TMEM268: variants seen among roughly 807,000 people sequenced by gnomAD.
TMEM268 encodes the protein transmembrane protein 268, also known as transmembrane protein C9orf91.
TMEM268 carries 24 observed loss-of-function variants against 39.1 expected under a neutral mutation model. The ratio of observed to expected loss-of-function variants is 0.61; its 90% CI spans 0.44 to 0.86. The LOEUF is 0.86. Among genes scored for constraint, TMEM268 ranks in the 40% least tolerant of loss-of-function variants. The probability of loss-of-function intolerance (pLI) is 0.00; values close to 1 mark genes in which losing one functional copy is unlikely to be tolerated. For missense variants in TMEM268, 409 were observed against 428.6 expected (o/e 0.95, Z 0.40); for synonymous variants, 176 against 173.5 (o/e 1.01, Z -0.12).
chr9:114,616,373 GT>G lies in TMEM268; in HGVS notation c.-78-740del, dbSNP rs923623413. On this transcript the variant is annotated intron_variant, in intron 1 of 8. Transcript: ENST00000288502. ...TGTTTGTTTGTTTGTTTTTGTTTTT[GT>G]TTTTGTTTTGAGACAGGGTCTCTCT... 6.0e-4 allele frequency among the ~76,000 whole-genome samples: 82 copies of G among 137,328 alleles called. 1 individual carries two copies. Among genetic ancestry groups the G allele is most frequent in the Non-Finnish European group, 1.2e-3 (73 of 60,842 alleles). The allele number at this position is 137,328 out of a possible 152,430, so 90.1% of individuals were successfully genotyped here.
Position 114,633,820 on chromosome 9 carries a change from G to C in TMEM268, c.527G>C (p.Arg176Thr). The C allele has an allele frequency of 6.2e-7, 1 of 1,607,736 alleles. No individual in the cohort carries two copies. The highest frequency in any genetic ancestry group is 8.5e-7 in the Non-Finnish European group (1 of 1,177,156). Residue 176 changes from arginine (R) to threonine (T), a missense_variant, in exon 6 of 9, where the codon AGA (arginine) becomes ACA (threonine). By Grantham distance (71) the Arg-to-Thr change is moderately conservative. Coordinates refer to ENST00000288502, the MANE Select transcript of TMEM268 (RefSeq NM_153045.4). ...GCAGCTGCCAATGGAGCCCTCCTGA[G>C]ACACCGGGTGCTGCTGGGGGTGACA... is the stretch of plus-strand genomic sequence containing the variant. The part of the protein sequence containing the change: ...RLAAANGALL[R>T]HRVLLGVTDT...
At position 114,644,947 on chromosome 9, in the gene TMEM268, C is replaced by G. The variant is rs1248651509; in HGVS notation, c.*1634C>G. 6.6e-6 allele frequency: 1 copy of G among 152,086 alleles called. No homozygotes were observed. The highest frequency in any genetic ancestry group is 2.4e-5 in the African/African-American group (1 of 41,366). 9.4% of individuals were successfully genotyped at this position (152,086 alleles called of 1,614,324 possible). A position where few individuals can be genotyped will look rare whatever the true frequency, so the allele number is the denominator to read the frequency against. ...AAGTAGCTGGGACTACAGGTGTGCA[C>G]CACTACTCCTGGATATTTTTTTGTG... On this transcript the variant is annotated 3_prime_UTR_variant, in exon 9 of 9. Coordinates refer to ENST00000288502, the MANE Select transcript of TMEM268 (RefSeq NM_153045.4).
upstream of TMEM268, among the ~76,000 whole-genome samples, chr9:114,606,260 G>A (rs1845364183): frequency 6.6e-6 from 1 of 152,118 alleles, no homozygotes; most frequent in African/African-American, 2.4e-5. Context: ...TGCCCCGGGG[G>A]GATTGCTGGC....
intron 5 of TMEM268, among the ~76,000 whole-genome samples, chr9:114,633,118 C>T (rs1846469580): frequency 6.6e-6 from 1 of 152,102 alleles, no homozygotes; most frequent in Non-Finnish European, 1.5e-5. Context: ...GCCTCACCCT[C>T]CCAAGTAGTT....
At chr9:114,612,272 C>T (rs1007139973) in intron 1 of TMEM268, among the ~76,000 whole-genome samples, 1 of 152,174 alleles carries the variant, frequency 6.6e-6, no homozygotes, top group African/African-American at 2.4e-5. Context: ...TTTGCAGATG[C>T]TCTCTACGGG....
At chr9:114,624,298 G>A (rs1846066989) in intron 2 of TMEM268, 52 bp from the exon 3 acceptor site, 6 of 1,552,804 alleles carry the variant, frequency 3.9e-6, no homozygotes, top group African/African-American at 2.7e-5. Flanking sequence ...CTCACCCCAC[G>A]AGCCTGGTAT....
chr9:114,618,157 G>A (rs960739310), intron 2 of TMEM268, among the ~76,000 whole-genome samples: 3 of 152,078 alleles, frequency 2.0e-5, no homozygotes, highest in Non-Finnish European at 4.4e-5. Flanking sequence ...GATTACAGGC[G>A]TGAGCCACCA....
intron 3 of TMEM268, 73 bp from the exon 4 acceptor site, chr9:114,626,826 C>A: frequency 1.8e-6 from 2 of 1,142,066 alleles, no homozygotes; most frequent in Non-Finnish European, 2.6e-6. Context: ...ATCCCCCTTC[C>A]ACATGATAGT....
chr9:114,622,957 G>A (rs915625304), intron 2 of TMEM268, among the ~76,000 whole-genome samples: 1 of 151,954 alleles, frequency 6.6e-6, no homozygotes, highest in Non-Finnish European at 1.5e-5. Flanking sequence ...AGGCATGGTG[G>A]TGCATGCCTG....
In TMEM268 at chr9:114,637,029, T is replaced by C; in HGVS notation, c.625T>C (p.Phe209Leu). ...VYFDLENCVQ[F>L]LSDHVQEMKT... ...CTTCGACCTGGAGAACTGTGTGCAG[T>C]TTTTGTCTGATCATGTTCAAGAAAT... Residue 209 changes from phenylalanine (F) to leucine (L), a missense_variant, in exon 7 of 9, where the codon TTT (phenylalanine) becomes CTT (leucine). Physicochemically the swap from Phe to Leu is conservative, Grantham distance 22. Coordinates refer to ENST00000288502, the MANE Select transcript of TMEM268 (RefSeq NM_153045.4). 6.2e-7 allele frequency: 1 copy of C among 1,613,184 alleles called. No homozygotes were observed. The highest frequency in any genetic ancestry group is 8.5e-7 in the Non-Finnish European group (1 of 1,179,290).
At chr9:114,628,316 T>C in intron 5 of TMEM268, 66 bp downstream of exon 5, 1 of 1,564,726 alleles carries the variant, frequency 6.4e-7, no homozygotes, top group Non-Finnish European at 8.7e-7. Context: ...AGAATCAGAT[T>C]TTTCCCTTTT....
In TMEM268 at chr9:114,628,649, A is replaced by G. The variant is rs573957397; in HGVS notation, c.474+399A>G. On this transcript the variant is annotated intron_variant, in intron 5 of 8. Transcript: ENST00000288502. ...CTAAAGTTGACGTCTGGGGAGAGGT[A>G]ATTTACATTATTCCCTCCTGTGACG... Among the ~76,000 whole-genome samples, 5 of 152,212 alleles carry G rather than the reference A, an allele frequency of 3.3e-5. No homozygotes were observed. In the East Asian group the frequency reaches 9.7e-4, roughly 29 times the overall value.
intron 6 of TMEM268, among the ~76,000 whole-genome samples, chr9:114,635,819 C>T (rs976396283): frequency 5.9e-5 from 9 of 152,036 alleles, no homozygotes; most frequent in African/African-American, 9.7e-5. Flanking sequence ...GTGTTGGGGA[C>T]GGGTACCGAG....
chr9:114,622,695 T>C (rs1469421200), intron 2 of TMEM268, among the ~76,000 whole-genome samples: 3 of 152,166 alleles, frequency 2.0e-5, no homozygotes, highest in Non-Finnish European at 4.4e-5. Flanking sequence ...GCTTTTGAAA[T>C]GCGGAGTGTG....
chr9:114,637,291 T>C (rs764894589), intron 7 of TMEM268, among the ~76,000 whole-genome samples: 218 of 9,520 alleles, frequency 0.023, no homozygotes, highest in Non-Finnish European at 0.023. Context: ...ATTTCTTCTT[T>C]TTTTTTTTTT....
At chr9:114,624,991 A>G (rs1846098274) in intron 3 of TMEM268, among the ~76,000 whole-genome samples, 1 of 152,220 alleles carries the variant, frequency 6.6e-6, no homozygotes, top group African/African-American at 2.4e-5. Flanking sequence ...GGGAAAGTCC[A>G]TATGAATTCA....
upstream of TMEM268, among the ~76,000 whole-genome samples, chr9:114,609,310 CAAAAACAA>C (rs1463976060): frequency 7.2e-6 from 1 of 139,844 alleles, no homozygotes; most frequent in Non-Finnish European, 1.5e-5. Flanking sequence ...GACCCCATCT[CAAAAACAA>C]ACAAACAAAC....
At position 114,644,700 on chromosome 9, in the gene TMEM268, G is replaced by A. The variant is rs1192452543; in HGVS notation, c.*1387G>A. The A allele has an allele frequency of 6.6e-6, 1 of 152,084 alleles. No individual in the cohort carries two copies. Among genetic ancestry groups the A allele is most frequent in the East Asian group, 1.9e-4 (1 of 5,188 alleles). The allele number at this position is 152,084 out of a possible 1,614,324, so 9.4% of individuals were successfully genotyped here. The stretch of plus-strand genomic sequence containing the variant: ...TGACATTGCTGTGGACCTGGGTTCT[G>A]GACCTGATCTGCCACTTCAAGCTGT... On this transcript the variant is annotated 3_prime_UTR_variant, in exon 9 of 9. Coordinates refer to ENST00000288502, the MANE Select transcript of TMEM268 (RefSeq NM_153045.4).
chr9:114,627,073 C>T (rs925316936), intron 4 of TMEM268, 67 bp downstream of exon 4: 8 of 1,188,902 alleles, frequency 6.7e-6, no homozygotes, highest in South Asian at 2.6e-5. Context: ...AATTCAGCAC[C>T]GTGTCTTGGA....
Sources: allele counts gnomAD v4.1 joint callset (sites outside exome capture counted in the v4.1 genomes callset), GRCh38; gene constraint gnomAD v4.1.1; transcripts MANE v1.5; gene names NCBI Gene and HGNC (gene_info 2026-07-23, HGNC 2026-07-21).